COL5A1: variants seen among roughly 807,000 people sequenced by gnomAD.
COL5A1 encodes collagen alpha-1(V) chain.
COL5A1 carries 16 observed loss-of-function variants against 263.7 expected under a neutral mutation model. The ratio of observed to expected loss-of-function variants is 0.06; its 90% CI spans 0.04 to 0.09. COL5A1 has a LOEUF of 0.09. Among genes scored for constraint, COL5A1 ranks in the 10% least tolerant of loss-of-function variants. The pLI, the probability that COL5A1 is intolerant of heterozygous loss-of-function variation, is 1.00. For synonymous variants in COL5A1, 1,012 were observed against 1,004.5 expected (o/e 1.01, Z -0.14); for missense variants, 2,036 against 2,540.5 (o/e 0.80, Z 4.27).
intron 1 of COL5A1, among the ~76,000 whole-genome samples, chr9:134,650,541 A>C (rs1431823842): frequency 6.6e-6 from 1 of 152,090 alleles, no homozygotes; most frequent in Non-Finnish European, 1.5e-5. Context: ...GCGGCGGGGG[A>C]GTCAGCCATC....
chr9:134,798,001 C>A (rs563483758), intron 36 of COL5A1, among the ~76,000 whole-genome samples: 2 of 152,360 alleles, frequency 1.3e-5, no homozygotes, highest in South Asian at 4.1e-4. Context: ...TATGGACAAC[C>A]ATCTAGCAGT....
intron 64 of COL5A1, among the ~76,000 whole-genome samples, chr9:134,831,625 G>A (rs1187572863): frequency 6.6e-6 from 1 of 152,204 alleles, no homozygotes; most frequent in African/African-American, 2.4e-5. Context: ...GGTCCATTCT[G>A]CAGTCTTGCG....
At position 134,824,640 on chromosome 9, in the gene COL5A1, C is replaced by A; in HGVS notation, c.4739C>A (p.Ala1580Glu). 1 of 1,614,202 alleles carries A rather than the reference C, an allele frequency of 6.2e-7. No homozygotes were observed. The highest frequency in any genetic ancestry group is 8.5e-7 in the Non-Finnish European group (1 of 1,180,042). The change falls in exon 62 of 66, where the codon GCA (alanine) becomes GAA (glutamate). Residue 1580 changes from alanine to glutamate, a missense_variant. Coordinates refer to ENST00000371817, the MANE Select transcript of COL5A1 (RefSeq NM_000093.5). ...GTCATCCAGCCCCTGCCAATCCAGG[C>A]ATCCAGGACGCGGCGGAACATCGAC... The part of the protein sequence containing the change: ...GEVIQPLPIQ[A>E]SRTRRNIDAS...
At chr9:134,738,677 C>T (rs1202725798) in intron 10 of COL5A1, 69 bp from the exon 11 acceptor site, 9 of 1,413,864 alleles carry the variant, frequency 6.4e-6, no homozygotes, top group South Asian at 1.1e-5. Flanking sequence ...CCTTGGTTGG[C>T]CAGTTGGAAC....
chr9:134,797,862 T>C (rs1837968661), intron 36 of COL5A1, among the ~76,000 whole-genome samples: 1 of 152,202 alleles, frequency 6.6e-6, no homozygotes, highest in Non-Finnish European at 1.5e-5. Context: ...TTCATCCTAA[T>C]TCAGTTACAC....
At chr9:134,820,337 G>C in intron 58 of COL5A1, 114 bp downstream of exon 58, 1 of 783,088 alleles carries the variant, frequency 1.3e-6, no homozygotes, top group South Asian at 1.4e-5. Flanking sequence ...TCCACACGTC[G>C]GTTGAGTCCG....
Position 134,820,833 on chromosome 9 carries a change from C to T in COL5A1, c.4554+610C>T, listed in dbSNP as rs77211742. Among the ~76,000 whole-genome samples, 1,037 of 152,282 alleles carry T rather than the reference C, an allele frequency of 6.8e-3. 19 individuals are homozygous for T. In the East Asian group the frequency reaches 0.087, roughly 13 times the overall value. On this transcript the variant is annotated intron_variant, in intron 58 of 65. Transcript: ENST00000371817. ...GACCTGTAGTGCCTCTGTCCTTCCCCCATGAGGGCCACGGGTCCTTATTCC... is the reference window on the plus strand; with the variant it reads ...GACCTGTAGTGCCTCTGTCCTTCCCTCATGAGGGCCACGGGTCCTTATTCC...
chr9:134,710,594 G>GC (rs574383840), intron 4 of COL5A1, among the ~76,000 whole-genome samples: 1 of 44,042 alleles, frequency 2.3e-5, no homozygotes, highest in Non-Finnish European at 4.7e-5. Flanking sequence ...TGGTGGGGGG[G>GC]CCCATTTGTT....
At chr9:134,715,540 C>T (rs576980698) in intron 4 of COL5A1, among the ~76,000 whole-genome samples, 13 of 152,278 alleles carry the variant, frequency 8.5e-5, no homozygotes, top group Non-Finnish European at 1.3e-4. Flanking sequence ...GACTATCACA[C>T]GGGGAGGAAC....
intron 2 of COL5A1, among the ~76,000 whole-genome samples, chr9:134,693,994 T>G (rs1833375097): frequency 6.6e-6 from 1 of 151,930 alleles, no homozygotes; most frequent in African/African-American, 2.4e-5. Flanking sequence ...TGCCTGGCAG[T>G]TGTAGAGGTA....
chr9:134,718,479 C>T (rs1436278151), intron 4 of COL5A1, among the ~76,000 whole-genome samples: 1 of 152,232 alleles, frequency 6.6e-6, no homozygotes, highest in Admixed American at 6.5e-5. Flanking sequence ...TCTGGAGCCG[C>T]TGGTGCTGGG....
At chr9:134,802,487 G>A (rs527739303) in intron 38 of COL5A1, among the ~76,000 whole-genome samples, 10 of 152,338 alleles carry the variant, frequency 6.6e-5, no homozygotes, top group African/African-American at 2.2e-4. Flanking sequence ...CTCATGTAGC[G>A]GTGAGTAAGA....
chr9:134,651,740 A>G (rs56381603), intron 1 of COL5A1, among the ~76,000 whole-genome samples: 14,096 of 152,222 alleles, frequency 0.093, 1,726 homozygotes, highest in African/African-American at 0.27. Flanking sequence ...AGGTGCGATG[A>G]CAGGCGCGGG....
intron 1 of COL5A1, among the ~76,000 whole-genome samples, chr9:134,675,091 T>C (rs4841922): frequency 0.82 from 124,177 of 152,108 alleles, 51,295 homozygotes; most frequent in South Asian, 0.89. Context: ...CAGAGTGTAC[T>C]GTGATATGTG....
chr9:134,785,433 G>A (rs1005494397), intron 30 of COL5A1, among the ~76,000 whole-genome samples: 6 of 152,290 alleles, frequency 3.9e-5, no homozygotes, highest in South Asian at 2.1e-4. Context: ...GGGTAATAAC[G>A]GTGTCCCCAC....
intron 27 of COL5A1, among the ~76,000 whole-genome samples, chr9:134,778,155 G>C (rs1301410354): frequency 6.6e-6 from 1 of 152,224 alleles, no homozygotes; most frequent in Non-Finnish European, 1.5e-5. Flanking sequence ...GTGTCAGCCA[G>C]CGTGGCCCTA....
intron 18 of COL5A1, among the ~76,000 whole-genome samples, chr9:134,759,237 A>T (rs1176385291): frequency 7.2e-6 from 1 of 138,354 alleles, no homozygotes; most frequent in African/African-American, 3.0e-5. Context: ...CACATACACC[A>T]CATACACCAC....
rs769596520 is a variant in COL5A1, at chr9:134,680,792, G to T, written c.110-10120G>T. ...AGGGGCAGAAGGACGGGTGAGGGCC[G>T]GGACTTTGACATCAGGCAGAGGAGT... On this transcript the variant is annotated intron_variant, in intron 1 of 65. Transcript: ENST00000371817. This position sits in a 1 kb window ranked among gnomAD's most constrained non-coding sequence, Gnocchi z 5.9. 2.0e-5 allele frequency among the ~76,000 whole-genome samples: 3 copies of T among 152,342 alleles called. No homozygotes were observed. The highest frequency in any genetic ancestry group is 1.9e-4 in the East Asian group (1 of 5,184).
chr9:134,684,502 C>T (rs1832952078), intron 1 of COL5A1, among the ~76,000 whole-genome samples: 1 of 152,246 alleles, frequency 6.6e-6, no homozygotes, highest in Non-Finnish European at 1.5e-5. Flanking sequence ...AAGCCCTCAT[C>T]TCTGGTTCTT....
Sources: allele counts gnomAD v4.1 joint callset (sites outside exome capture counted in the v4.1 genomes callset), GRCh38; gene constraint gnomAD v4.1.1; non-coding constraint Gnocchi (gnomAD v3.1); transcripts MANE v1.5; gene names NCBI Gene and HGNC (gene_info 2026-07-23, HGNC 2026-07-21).